WDR64: variants seen among roughly 807,000 people sequenced by gnomAD.
The protein encoded by WDR64 is WD repeat-containing protein 64.
WDR64 carries 112 observed loss-of-function variants against 139.3 expected under a neutral mutation model. That is an observed-to-expected ratio of 0.80 (90% CI 0.69 to 0.94). The LOEUF is 0.94. Ranked by LOEUF, WDR64 falls within the 40% of genes least tolerant of loss-of-function variation. WDR64 has a pLI of 0.00. For missense variants in WDR64, 1,206 were observed against 1,293.1 expected (o/e 0.93, Z 1.03); for synonymous variants, 444 against 437.7 (o/e 1.01, Z -0.18).
chr1:241,791,708 A>G (rs550510448), intron 25 of WDR64, among the ~76,000 whole-genome samples: 4 of 152,268 alleles, frequency 2.6e-5, no homozygotes, highest in African/African-American at 4.8e-5. Context: ...GAAAGATTAA[A>G]GTGATTAGAC....
chr1:241,710,205 T>C lies in WDR64; in HGVS notation c.975-1597T>C, dbSNP rs113375011. Among the ~76,000 whole-genome samples the C allele has an allele frequency of 6.4e-3, 982 of 152,252 alleles. 7 individuals are homozygous for C. The highest frequency in any genetic ancestry group is 0.023 in the African/African-American group (938 of 41,518). The stretch of plus-strand genomic sequence containing the variant: ...GTCTGGGCTTCTTGTCTAGGCTTCT[T>C]CTGGGTGGCCCCTGTTTTCCAATAA... On this transcript the variant is annotated intron_variant, in intron 8 of 27. Transcript: ENST00000437684.
chr1:241,711,091 C>A (rs1301193812), intron 8 of WDR64, among the ~76,000 whole-genome samples: 1 of 151,952 alleles, frequency 6.6e-6, no homozygotes, highest in Non-Finnish European at 1.5e-5. Flanking sequence ...ACAAAAATTA[C>A]CTGGGTGTGG....
chr1:241,758,490 CTAAT>C (rs1279671939), intron 15 of WDR64, among the ~76,000 whole-genome samples: 1 of 152,140 alleles, frequency 6.6e-6, no homozygotes, highest in Non-Finnish European at 1.5e-5. Flanking sequence ...GAAAAGCAAA[CTAAT>C]TGATGATTTG....
At chr1:241,724,030 A>G (rs1027039146) in intron 10 of WDR64, among the ~76,000 whole-genome samples, 6 of 152,096 alleles carry the variant, frequency 3.9e-5, no homozygotes, top group Non-Finnish European at 5.9e-5. Flanking sequence ...GTGAGGAAAA[A>G]AGGTCAAAGA....
At chr1:241,773,012 C>T in intron 20 of WDR64, 81 bp downstream of exon 20, 2 of 1,391,808 alleles carry the variant, frequency 1.4e-6, no homozygotes, top group Non-Finnish European at 1.9e-6. Context: ...AGTGTTCTTC[C>T]ATATGGCATC....
chr1:241,715,316 T>C (rs964606301), intron 9 of WDR64, among the ~76,000 whole-genome samples: 3 of 152,302 alleles, frequency 2.0e-5, no homozygotes, highest in East Asian at 1.9e-4. Context: ...AGAAGTGGGA[T>C]ACTTTCAGAA....
In WDR64 at chr1:241,796,428, G is replaced by GT. The variant is rs1188407306; in HGVS notation, c.3192+65dup. The stretch of plus-strand genomic sequence containing the variant: ...ATTTCAGTGTATCCTATTTCTGTTT[G>GT]TTTTTTTAAAAATATGTCTCTGCTT... On this transcript the variant is annotated intron_variant, in intron 27 of 27. Coordinates refer to ENST00000437684, the MANE Select transcript of WDR64 (RefSeq NM_001367482.1). 31 of 1,149,612 alleles carry GT rather than the reference G, an allele frequency of 2.7e-5. No individual in the cohort carries two copies. In the East Asian group the frequency reaches 6.0e-4, roughly 22 times the overall value. 71.2% of individuals were successfully genotyped at this position (1,149,612 alleles called of 1,614,324 possible).
At chr1:241,791,619 C>G (rs1659216882) in intron 25 of WDR64, among the ~76,000 whole-genome samples, 1 of 151,912 alleles carries the variant, frequency 6.6e-6, no homozygotes, top group South Asian at 2.1e-4. Flanking sequence ...TTACAGTGAG[C>G]TATGATCCCA....
intron 15 of WDR64, among the ~76,000 whole-genome samples, chr1:241,763,204 T>C (rs1304492268): frequency 6.6e-6 from 1 of 151,842 alleles, no homozygotes; most frequent in African/African-American, 2.4e-5. Context: ...AGTTAACAAA[T>C]AATTGTGTAG....
chr1:241,791,285 C>CA (rs971370737), intron 25 of WDR64, among the ~76,000 whole-genome samples: 15 of 151,708 alleles, frequency 9.9e-5, no homozygotes, highest in East Asian at 1.9e-4. Flanking sequence ...GACTCCCTCT[C>CA]AAAAAAAACA....
At chr1:241,683,093 G>A (rs1208757204) in intron 6 of WDR64, among the ~76,000 whole-genome samples, 1 of 152,064 alleles carries the variant, frequency 6.6e-6, no homozygotes, top group Non-Finnish European at 1.5e-5. Flanking sequence ...GTGACTCCTT[G>A]GGACTTTGAT....
At chr1:241,706,016 TTA>T (rs1667941190) in intron 8 of WDR64, among the ~76,000 whole-genome samples, 1 of 152,240 alleles carries the variant, frequency 6.6e-6, no homozygotes, top group Admixed American at 6.5e-5. Flanking sequence ...TCATATACTT[TTA>T]TGTCTTCAAC....
intron 7 of WDR64, 146 bp from the exon 8 acceptor site, chr1:241,687,315 A>AT: frequency 1.0e-6 from 1 of 975,696 alleles, no homozygotes; most frequent in Non-Finnish European, 1.5e-6. Context: ...AAAAAAAAAA[A>AT]AAAAAAGGTG....
chr1:241,782,439 A>C (rs1309506891), intron 22 of WDR64, among the ~76,000 whole-genome samples: 5 of 152,232 alleles, frequency 3.3e-5, no homozygotes, highest in Non-Finnish European at 7.3e-5. Context: ...GGAGAACTCT[A>C]AACTGCCAGG....
At chr1:241,775,700 C>T (rs1166969778) in intron 21 of WDR64, among the ~76,000 whole-genome samples, 3 of 152,028 alleles carry the variant, frequency 2.0e-5, no homozygotes, top group African/African-American at 4.8e-5. Context: ...TCTCTTCTGT[C>T]GTCTGAATTA....
At chr1:241,729,645 G>A (rs1050943978) in intron 10 of WDR64, among the ~76,000 whole-genome samples, 9 of 152,208 alleles carry the variant, frequency 5.9e-5, no homozygotes, top group Admixed American at 2.6e-4. Flanking sequence ...ATCATGTCAT[G>A]CCCAAAGCCT....
At chr1:241,719,552 C>T (rs140670219) in intron 9 of WDR64, among the ~76,000 whole-genome samples, 2,633 of 152,174 alleles carry the variant, frequency 0.017, 29 homozygotes, top group Non-Finnish European at 0.025. Flanking sequence ...TATGCTTTTT[C>T]ATGAGGCCCA....
chr1:241,762,821 G>T (rs993925467), intron 15 of WDR64, among the ~76,000 whole-genome samples: 2 of 151,232 alleles, frequency 1.3e-5, no homozygotes, highest in African/African-American at 2.4e-5. Context: ...ATGGAATTTG[G>T]AAACAATTAT....
Position 241,676,745 on chromosome 1 carries a change from G to GTTTTTTTTTTT in WDR64, c.484-1434_484-1424dup, listed in dbSNP as rs11342790. 3.5e-3 allele frequency among the ~76,000 whole-genome samples: 435 copies of GTTTTTTTTTTT among 124,276 alleles called. 4 individuals are homozygous for GTTTTTTTTTTT. The highest frequency in any genetic ancestry group is 0.012 in the African/African-American group (408 of 33,272). 81.5% of individuals were successfully genotyped at this position (124,276 alleles called of 152,430 possible). On this transcript the variant is annotated intron_variant, in intron 4 of 27. Transcript: ENST00000437684. ...GGAAAAAATGGCTAAAAAATTAATGGTTTTTTTTTTTTTTTTTTGTAGAAA... is the reference window on the plus strand; with the variant it reads ...GGAAAAAATGGCTAAAAAATTAATGGTTTTTTTTTTTTTTTTTTTTTTTTTTTTTGTAGAAA...
Sources: gnomAD v4.1 joint callset for allele counts (sites outside exome capture counted in the v4.1 genomes callset) on GRCh38, gnomAD v4.1.1 for gene constraint, MANE v1.5 for transcripts, NCBI Gene and HGNC (gene_info 2026-07-23, HGNC 2026-07-21) for gene names.